The following GLRA3 variants were observed in gnomAD, a reference collection of about 807,000 sequenced individuals.
The protein encoded by GLRA3 is glycine receptor alpha 3.
GLRA3 carries 44 observed loss-of-function variants against 60.4 expected under a neutral mutation model. That is an observed-to-expected ratio of 0.73 (90% CI 0.57 to 0.94). The LOEUF is 0.94. Ranked by LOEUF, GLRA3 falls within the 40% of genes least tolerant of loss-of-function variation. GLRA3 has a pLI of 0.00. For missense variants in GLRA3, 508 were observed against 564.6 expected (o/e 0.90, Z 1.02); for synonymous variants, 223 against 192.9 (o/e 1.16, Z -1.29).
intron 5 of GLRA3, among the ~76,000 whole-genome samples, chr4:174,713,045 G>A (rs887543206): frequency 6.6e-6 from 1 of 151,792 alleles, no homozygotes; most frequent in South Asian, 2.1e-4. Flanking sequence ...AGAAAAAAAC[G>A]CCTTGAAGAA....
chr4:174,706,687 T>G (rs555099766), intron 5 of GLRA3, among the ~76,000 whole-genome samples: 78 of 152,258 alleles, frequency 5.1e-4, no homozygotes, highest in Non-Finnish European at 6.2e-4. Flanking sequence ...ATCTGTATCT[T>G]TTCTCCGAAG....
chr4:174,680,676 G>C (rs1734308196), intron 6 of GLRA3, among the ~76,000 whole-genome samples: 1 of 152,118 alleles, frequency 6.6e-6, no homozygotes. Context: ...AGATTTTGGA[G>C]AAATTATTAG....
At chr4:174,684,164 A>G (rs1167464317) in intron 5 of GLRA3, among the ~76,000 whole-genome samples, 2 of 151,996 alleles carry the variant, frequency 1.3e-5, no homozygotes, top group African/African-American at 2.4e-5. Flanking sequence ...TCTTTGGAAC[A>G]TCTACACCAG....
intron 5 of GLRA3, among the ~76,000 whole-genome samples, chr4:174,696,880 G>C (rs973218055): frequency 6.6e-6 from 1 of 151,984 alleles, no homozygotes; most frequent in African/African-American, 2.4e-5. Context: ...TGGTAATGAG[G>C]CAAACAAAGT....
rs940330481 is a variant in GLRA3, at chr4:174,639,319, G to T, written c.*4467C>A. ...TTATGAACCTTTGTCTAGAAAAATTGACTGTCTTTGTATTTTTAATCTAAA... is the reference window on the plus strand; with the variant it reads ...TTATGAACCTTTGTCTAGAAAAATTTACTGTCTTTGTATTTTTAATCTAAA... On this transcript the variant is annotated 3_prime_UTR_variant, in exon 10 of 10. Transcript: ENST00000274093. 1.3e-5 allele frequency: 2 copies of T among 151,314 alleles called. No homozygotes were observed. The highest frequency in any genetic ancestry group is 4.9e-5 in the African/African-American group (2 of 41,130). The allele number at this position is 151,314 out of a possible 1,614,324, so 9.4% of individuals were successfully genotyped here. A position where few individuals can be genotyped will look rare whatever the true frequency, so the allele number is the denominator to read the frequency against.
intron 1 of GLRA3, among the ~76,000 whole-genome samples, chr4:174,823,900 G>T (rs1397066970): frequency 2.0e-5 from 3 of 152,166 alleles, no homozygotes; most frequent in Non-Finnish European, 4.4e-5. Context: ...TTCATCACTT[G>T]GTTCTAATAA....
intron 5 of GLRA3, among the ~76,000 whole-genome samples, chr4:174,699,141 G>T (rs1407305751): frequency 1.3e-5 from 2 of 151,964 alleles, no homozygotes; most frequent in African/African-American, 4.8e-5. Flanking sequence ...GGGACTACAG[G>T]CGTATGTCAC....
intron 3 of GLRA3, among the ~76,000 whole-genome samples, chr4:174,745,452 A>C (rs1737206204): frequency 1.3e-5 from 2 of 152,170 alleles, no homozygotes; most frequent in South Asian, 4.1e-4. Flanking sequence ...AGCACTTACT[A>C]TGTATTTTCA....
At chr4:174,750,635 A>G (rs1355386392) in intron 3 of GLRA3, among the ~76,000 whole-genome samples, 2 of 152,138 alleles carry the variant, frequency 1.3e-5, no homozygotes, top group Non-Finnish European at 2.9e-5. Flanking sequence ...TTCAATAGTG[A>G]TAATTGCCAA....
At chr4:174,796,887 A>G (rs1465465336) in intron 1 of GLRA3, among the ~76,000 whole-genome samples, 1 of 152,128 alleles carries the variant, frequency 6.6e-6, no homozygotes, top group Non-Finnish European at 1.5e-5. Context: ...ACTTCCTATC[A>G]GCTAAACTCT....
At chr4:174,763,228 A>G (rs571259799) in intron 3 of GLRA3, among the ~76,000 whole-genome samples, 1 of 152,294 alleles carries the variant, frequency 6.6e-6, no homozygotes, top group South Asian at 2.1e-4. Flanking sequence ...GGCTGCAGAA[A>G]TAACTTGCTA....
intron 5 of GLRA3, among the ~76,000 whole-genome samples, chr4:174,714,566 C>T (rs1460451008): frequency 6.6e-6 from 1 of 152,118 alleles, no homozygotes; most frequent in Non-Finnish European, 1.5e-5. Flanking sequence ...GGTATAGTCA[C>T]GTTGCCCCAC....
intron 7 of GLRA3, among the ~76,000 whole-genome samples, chr4:174,662,578 G>A (rs974771147): frequency 1.3e-5 from 2 of 152,064 alleles, no homozygotes; most frequent in African/African-American, 2.4e-5. Context: ...TTTATGAAAC[G>A]TTAGCCTGTG....
chr4:174,683,146 G>T lies in GLRA3; in HGVS notation c.575-207C>A, dbSNP rs532655462. Among the ~76,000 whole-genome samples, 24 of 152,094 alleles carry T rather than the reference G, an allele frequency of 1.6e-4. No homozygotes were observed. The South Asian group carries it at 4.8e-3, about 30-fold the overall frequency. Reference sequence around the variant, plus strand: ...GTGGAACTCCCACCAAATAATATGAGAAAACAAAATGGACTCATTAAAAGT... The same window carrying T: ...GTGGAACTCCCACCAAATAATATGATAAAACAAAATGGACTCATTAAAAGT... On this transcript the variant is annotated intron_variant, in intron 5 of 9. Transcript: ENST00000274093.
At chr4:174,801,466 ACT>A (rs1433970101) in intron 1 of GLRA3, among the ~76,000 whole-genome samples, 1 of 151,618 alleles carries the variant, frequency 6.6e-6, no homozygotes, top group Non-Finnish European at 1.5e-5. Flanking sequence ...TCTAAATCAA[ACT>A]CTTGTCATTT....
At chr4:174,681,643 G>A (rs972604360) in intron 6 of GLRA3, among the ~76,000 whole-genome samples, 2 of 152,114 alleles carry the variant, frequency 1.3e-5, no homozygotes, top group East Asian at 1.9e-4. Context: ...GGGAAAGCAC[G>A]GCCCTGCTGA....
intron 9 of GLRA3, among the ~76,000 whole-genome samples, chr4:174,649,077 A>G (rs1380581906): frequency 2.0e-5 from 3 of 152,136 alleles, no homozygotes; most frequent in African/African-American, 7.2e-5. Context: ...GGCAGCTGAA[A>G]GAAACAGACT....
chr4:174,755,051 A>G (rs955730527), intron 3 of GLRA3, among the ~76,000 whole-genome samples: 30 of 152,136 alleles, frequency 2.0e-4, no homozygotes, highest in Non-Finnish European at 3.1e-4. Context: ...TAGCTGCTTA[A>G]TTCATATTTT....
chr4:174,676,535 G>A (rs1455120634), intron 7 of GLRA3, among the ~76,000 whole-genome samples: 1 of 152,036 alleles, frequency 6.6e-6, no homozygotes, highest in Non-Finnish European at 1.5e-5. Flanking sequence ...GTGTGTATGT[G>A]TTTGTGTCTA....
Sources: gnomAD v4.1 joint callset for allele counts (sites outside exome capture counted in the v4.1 genomes callset) on GRCh38, gnomAD v4.1.1 for gene constraint, MANE v1.5 for transcripts, NCBI Gene and HGNC (gene_info 2026-07-23, HGNC 2026-07-21) for gene names.